SYNPR: variants seen among roughly 807,000 people sequenced by gnomAD.
SYNPR encodes synaptoporin.
Under a neutral mutation model 32.9 loss-of-function variants are expected in SYNPR, and 23 were observed. That is an observed-to-expected ratio of 0.70 (90% CI 0.50 to 0.99). The LOEUF (loss-of-function observed/expected upper bound fraction) is 0.99, where lower values mean the gene tolerates loss of function less well. Ranked by LOEUF, SYNPR falls within the 50% of genes least tolerant of loss-of-function variation. The pLI, the probability that SYNPR is intolerant of heterozygous loss-of-function variation, is 0.00. For missense variants in SYNPR, 318 were observed against 349.3 expected, an observed-to-expected ratio of 0.91 and a Z score of 0.71; for synonymous variants, 146 against 135.9, an observed-to-expected ratio of 1.07 and a Z score of -0.52.
intron 2 of SYNPR, among the ~76,000 whole-genome samples, chr3:63,405,776 A>G (rs1560219891): frequency 2.0e-5 from 3 of 152,176 alleles, no homozygotes; most frequent in Admixed American, 6.6e-5. Flanking sequence ...AAGAGCATAA[A>G]TGGATTTGAA....
chr3:63,421,778 T>TA (rs894214008), intron 2 of SYNPR, among the ~76,000 whole-genome samples: 18 of 152,174 alleles, frequency 1.2e-4, no homozygotes, highest in African/African-American at 3.6e-4. Context: ...ATTCAGTTCT[T>TA]TACAGCTGGA....
chr3:63,218,807 G>A, the SYNPR span, among the ~76,000 whole-genome samples: 1 of 152,302 alleles, frequency 6.6e-6, no homozygotes, highest in Middle Eastern at 3.4e-3. Context: ...AGCTCTCCGG[G>A]AGGGCTGAAA....
intron 1 of SYNPR, among the ~76,000 whole-genome samples, chr3:63,252,031 G>C (rs1317948376): frequency 2.0e-5 from 3 of 151,732 alleles, no homozygotes; most frequent in Admixed American, 6.6e-5. Flanking sequence ...TCCATGGTAT[G>C]GGGGTACCAT....
intron 3 of SYNPR, among the ~76,000 whole-genome samples, chr3:63,504,325 A>T (rs1021358936): frequency 1.3e-5 from 2 of 152,144 alleles, no homozygotes; most frequent in African/African-American, 4.8e-5. Context: ...CTCGCAAAAT[A>T]ATTTTTTATA....
At chr3:63,402,003 G>T (rs2088299127) in intron 2 of SYNPR, among the ~76,000 whole-genome samples, 1 of 152,128 alleles carries the variant, frequency 6.6e-6, no homozygotes, top group South Asian at 2.1e-4. Flanking sequence ...TAAGAGAGAT[G>T]CATTTCTCTC....
intron 2 of SYNPR, among the ~76,000 whole-genome samples, chr3:63,438,647 G>A (rs1045428851): frequency 6.6e-6 from 1 of 152,210 alleles, no homozygotes; most frequent in Non-Finnish European, 1.5e-5. Context: ...AAAGATAAGA[G>A]GTCTAGAAAG....
the SYNPR span, among the ~76,000 whole-genome samples, chr3:63,201,534 A>G: frequency 6.6e-6 from 1 of 152,178 alleles, no homozygotes; most frequent in Non-Finnish European, 1.5e-5. Flanking sequence ...TGGAGACAGC[A>G]AAACATGATT....
chr3:63,407,322 G>C (rs111249623), intron 2 of SYNPR, among the ~76,000 whole-genome samples: 4 of 152,180 alleles, frequency 2.6e-5, no homozygotes, highest in Non-Finnish European at 4.4e-5. Context: ...AAAAATGCTT[G>C]AATGAGTGAA....
At chr3:63,561,169 C>G (rs1274011269) in intron 4 of SYNPR, among the ~76,000 whole-genome samples, 1 of 152,092 alleles carries the variant, frequency 6.6e-6, no homozygotes, top group East Asian at 1.9e-4. Context: ...ATTTATAGTC[C>G]TCTGGGACAT....
chr3:63,415,104 A>C (rs537111088), intron 2 of SYNPR, among the ~76,000 whole-genome samples: 2 of 152,342 alleles, frequency 1.3e-5, no homozygotes, highest in East Asian at 3.9e-4. Context: ...ACATGCTGAA[A>C]ATATATTATT....
chr3:63,342,198 A>G (rs73108930), intron 2 of SYNPR, among the ~76,000 whole-genome samples: 2 of 152,128 alleles, frequency 1.3e-5, no homozygotes, highest in Non-Finnish European at 2.9e-5. Flanking sequence ...TTGGCTCTCT[A>G]TATTCTGTTC....
At chr3:63,239,033 T>C (rs2086218760) in intron 1 of SYNPR, among the ~76,000 whole-genome samples, 2 of 152,162 alleles carry the variant, frequency 1.3e-5, no homozygotes, top group African/African-American at 4.8e-5. Flanking sequence ...TTTTGGATAA[T>C]GAAATGACGC....
At chr3:63,469,083 T>A in intron 2 of SYNPR, among the ~76,000 whole-genome samples, 1 of 152,034 alleles carries the variant, frequency 6.6e-6, no homozygotes, top group East Asian at 1.9e-4. Flanking sequence ...TATTTAAATT[T>A]TAAAAAAGAC....
intron 4 of SYNPR, among the ~76,000 whole-genome samples, chr3:63,587,415 A>G (rs1186836725): frequency 6.6e-6 from 1 of 152,158 alleles, no homozygotes; most frequent in African/African-American, 2.4e-5. Flanking sequence ...CATTATTTCC[A>G]GCCACAGATA....
In SYNPR at chr3:63,233,458, C is replaced by T. The variant is rs113052345; in HGVS notation, n.66+5078C>T. Among the ~76,000 whole-genome samples the T allele has an allele frequency of 7.5e-3, 1,148 of 152,282 alleles. 15 individuals carry two copies. The highest frequency in any genetic ancestry group is 0.025 in the African/African-American group (1,048 of 41,542). Reference sequence around the variant, plus strand: ...ATGGCCCAGACCCTACATCTCCAGCCAACAGGCCTTGATACTCCCATTACT... The same window carrying T: ...ATGGCCCAGACCCTACATCTCCAGCTAACAGGCCTTGATACTCCCATTACT... On this transcript the variant is annotated intron_variant and non_coding_transcript_variant, in intron 1 of 4. Transcript: ENST00000478456.
intron 2 of SYNPR, among the ~76,000 whole-genome samples, chr3:63,343,516 G>A (rs2087395816): frequency 6.6e-6 from 1 of 152,172 alleles, no homozygotes; most frequent in Admixed American, 6.5e-5. Flanking sequence ...ATCCATGTTT[G>A]CCCTGCTGGA....
chr3:63,356,848 A>G lies in SYNPR; in HGVS notation c.84+78106A>G, dbSNP rs189384813. 5.6e-4 allele frequency among the ~76,000 whole-genome samples: 86 copies of G among 152,370 alleles called. 1 individual carries two copies. Among genetic ancestry groups the G allele is most frequent in the African/African-American group, 2.1e-3 (86 of 41,588 alleles). Reference sequence around the variant, plus strand: ...CGATGAAGGCAAATAAAACAAAGCAATAAGTCAATATATGTGAGCAAATCT... The same window carrying G: ...CGATGAAGGCAAATAAAACAAAGCAGTAAGTCAATATATGTGAGCAAATCT... On this transcript the variant is annotated intron_variant, in intron 2 of 5. Transcript: ENST00000478300.
intron 2 of SYNPR, among the ~76,000 whole-genome samples, chr3:63,406,653 A>G (rs2088364716): frequency 6.6e-6 from 1 of 152,174 alleles, no homozygotes; most frequent in Non-Finnish European, 1.5e-5. Context: ...AAGAAACAAA[A>G]GTTCCCAAAG....
chr3:63,408,582 G>A (rs2088420482), intron 2 of SYNPR, among the ~76,000 whole-genome samples: 1 of 152,064 alleles, frequency 6.6e-6, no homozygotes, highest in Non-Finnish European at 1.5e-5. Context: ...TGGCCTGCTG[G>A]TACAAGTCCT....
Sources: gnomAD v4.1 joint callset for allele counts (sites outside exome capture counted in the v4.1 genomes callset) on GRCh38, gnomAD v4.1.1 for gene constraint, MANE v1.5 for transcripts, NCBI Gene and HGNC (gene_info 2026-07-23, HGNC 2026-07-21) for gene names.